MYT1L: variants seen among roughly 807,000 people sequenced by gnomAD.
The protein encoded by MYT1L is myelin transcription factor 1-like protein.
MYT1L carries 12 observed loss-of-function variants against 126.7 expected under a neutral mutation model. That is an observed-to-expected ratio of 0.09 (90% CI 0.06 to 0.15). The LOEUF (loss-of-function observed/expected upper bound fraction) is 0.15, where lower values mean the gene tolerates loss of function less well. Among genes scored for constraint, MYT1L ranks in the 10% least tolerant of loss-of-function variants. The pLI, the probability that MYT1L is intolerant of heterozygous loss-of-function variation, is 1.00. For synonymous variants in MYT1L, 541 were observed against 604.2 expected, an observed-to-expected ratio of 0.90 and a Z score of 1.53; for missense variants, 979 against 1,585.2, an observed-to-expected ratio of 0.62 and a Z score of 6.49.
chr2:2,007,217 C>T (rs375367327), intron 4 of MYT1L, among the ~76,000 whole-genome samples: 2 of 152,088 alleles, frequency 1.3e-5, no homozygotes, highest in Non-Finnish European at 2.9e-5. Flanking sequence ...TGGTGGGTCA[C>T]ATGGTAGTTC....
chr2:1,894,719 T>C (rs1049348595), intron 14 of MYT1L, among the ~76,000 whole-genome samples: 9 of 152,134 alleles, frequency 5.9e-5, no homozygotes, highest in African/African-American at 2.2e-4. Context: ...GCAGCTGACA[T>C]AGGTCGGCTG....
At chr2:2,002,755 C>A (rs1387851704) in intron 4 of MYT1L, among the ~76,000 whole-genome samples, 1 of 152,116 alleles carries the variant, frequency 6.6e-6, no homozygotes, top group Non-Finnish European at 1.5e-5. Context: ...AAGGGTGGCA[C>A]CAAGTGGAGG....
At chr2:2,125,952 G>A (rs890684336) in intron 3 of MYT1L, among the ~76,000 whole-genome samples, 4 of 152,220 alleles carry the variant, frequency 2.6e-5, no homozygotes, top group African/African-American at 9.6e-5. Context: ...CTTCTGTGTA[G>A]CTTCACAGCA....
At chr2:2,026,700 G>A (rs1369367478) in intron 4 of MYT1L, among the ~76,000 whole-genome samples, 2 of 152,146 alleles carry the variant, frequency 1.3e-5, no homozygotes, top group Non-Finnish European at 2.9e-5. Context: ...CCGAGGCCCG[G>A]GAGGTACAGG....
intron 1 of MYT1L, among the ~76,000 whole-genome samples, chr2:2,304,313 T>C (rs1157860907): frequency 6.6e-6 from 1 of 152,154 alleles, no homozygotes; most frequent in Non-Finnish European, 1.5e-5. Flanking sequence ...TATGTAACTA[T>C]GGTAGGTAAG....
intron 3 of MYT1L, among the ~76,000 whole-genome samples, chr2:2,169,264 T>C (rs1483833429): frequency 3.3e-5 from 5 of 152,176 alleles, no homozygotes; most frequent in Non-Finnish European, 7.3e-5. Context: ...CCTTGGGCAG[T>C]GTGGTAGGAG....
Position 1,857,576 on chromosome 2 carries a change from G to A in MYT1L, c.2712-5873C>T, listed in dbSNP as rs59705015. ...CTTTGTTTCATGGTAGCTCTATCAT[G>A]GAGACTTAAGTAGTAAAACACAAAA... On this transcript the variant is annotated intron_variant, in intron 18 of 24. Transcript: ENST00000647738. Among the ~76,000 whole-genome samples the A allele has an allele frequency of 4.3e-3, 657 of 152,142 alleles. 2 individuals carry two copies. The highest frequency in any genetic ancestry group is 0.015 in the African/African-American group (617 of 41,504).
At chr2:1,953,453 T>G (rs2058064003) in intron 8 of MYT1L, among the ~76,000 whole-genome samples, 1 of 152,204 alleles carries the variant, frequency 6.6e-6, no homozygotes, top group Non-Finnish European at 1.5e-5. Context: ...AAGACCCATC[T>G]CAAGTTCCCC....
chr2:2,192,029 C>T (rs866110990), intron 2 of MYT1L, among the ~76,000 whole-genome samples: 21 of 152,226 alleles, frequency 1.4e-4, no homozygotes, highest in African/African-American at 3.6e-4. Flanking sequence ...CCTACTGGAA[C>T]CTGGCAGAAA....
chr2:1,803,176 A>G (rs2035151809), intron 22 of MYT1L, among the ~76,000 whole-genome samples: 1 of 152,200 alleles, frequency 6.6e-6, no homozygotes, highest in Non-Finnish European at 1.5e-5. Flanking sequence ...CCTCAAGATA[A>G]AAATACCCAA....
chr2:1,917,118 A>AT lies in MYT1L; in HGVS notation c.1618+86dup. The AT allele has an allele frequency of 6.7e-7, 1 of 1,502,220 alleles. No homozygotes were observed. Among genetic ancestry groups the AT allele is most frequent in the Middle Eastern group, 2.0e-4 (1 of 4,962 alleles). The allele number at this position is 1,502,220 out of a possible 1,614,324, so 93.1% of individuals were successfully genotyped here. A position where few individuals can be genotyped will look rare whatever the true frequency, so the allele number is the denominator to read the frequency against. On this transcript the variant is annotated intron_variant, in intron 11 of 24. Coordinates refer to ENST00000647738, the MANE Select transcript of MYT1L (RefSeq NM_001303052.2). The surrounding 1 kb of genome is among the most constrained non-coding windows in gnomAD (Gnocchi z 5.9). ...AAATCAGGTCGCACCGAGCCGTACA[A>AT]TGGAGATGATGTCAGGTAAGAGGGA...
chr2:2,244,683 G>C (rs1482604159), intron 2 of MYT1L, among the ~76,000 whole-genome samples: 1 of 152,182 alleles, frequency 6.6e-6, no homozygotes, highest in African/African-American at 2.4e-5. Context: ...GGGCAGGTGT[G>C]GAGAAGAGGG....
intron 2 of MYT1L, among the ~76,000 whole-genome samples, chr2:2,181,522 T>C (rs1450341030): frequency 2.0e-5 from 3 of 152,112 alleles, no homozygotes; most frequent in Non-Finnish European, 4.4e-5. Flanking sequence ...GGATGCAGAG[T>C]GTGATTTAAA....
chr2:2,317,713 T>C (rs2096090750), intron 1 of MYT1L, among the ~76,000 whole-genome samples: 2 of 152,312 alleles, frequency 1.3e-5, no homozygotes, highest in African/African-American at 4.8e-5. Flanking sequence ...TTTTTAATAT[T>C]TTGGAGAGTT....
intron 2 of MYT1L, among the ~76,000 whole-genome samples, chr2:2,226,534 C>T (rs1278576579): frequency 6.6e-6 from 1 of 152,020 alleles, no homozygotes; most frequent in Non-Finnish European, 1.5e-5. Flanking sequence ...TGGCATGTTT[C>T]ACCTGCCATC....
intron 3 of MYT1L, among the ~76,000 whole-genome samples, chr2:2,130,086 T>A (rs1297886157): frequency 6.6e-6 from 1 of 151,906 alleles, no homozygotes; most frequent in Non-Finnish European, 1.5e-5. Context: ...AACATTTGCA[T>A]TATAGGACAG....
chr2:2,152,720 C>A (rs2086015641), intron 3 of MYT1L, among the ~76,000 whole-genome samples: 1 of 152,130 alleles, frequency 6.6e-6, no homozygotes, highest in Non-Finnish European at 1.5e-5. Flanking sequence ...TTAAATAATT[C>A]AATTCTACTG....
chr2:2,264,977 C>T (rs562466167), intron 2 of MYT1L, among the ~76,000 whole-genome samples: 1 of 152,026 alleles, frequency 6.6e-6, no homozygotes, highest in African/African-American at 2.4e-5. Flanking sequence ...AATTCCTGCT[C>T]TATAACTTAC....
chr2:2,093,991 A>C (rs2077172096), intron 3 of MYT1L, among the ~76,000 whole-genome samples: 1 of 152,212 alleles, frequency 6.6e-6, no homozygotes, highest in Non-Finnish European at 1.5e-5. Context: ...GTCAAAGATC[A>C]GATAGTTGTA....
Sources: allele counts gnomAD v4.1 joint callset (sites outside exome capture counted in the v4.1 genomes callset), GRCh38; gene constraint gnomAD v4.1.1; non-coding constraint Gnocchi (gnomAD v3.1); transcripts MANE v1.5; gene names NCBI Gene and HGNC (gene_info 2026-07-23, HGNC 2026-07-21).